POLR3B: variants seen among roughly 807,000 people sequenced by gnomAD.
POLR3B encodes the protein RNA polymerase III subunit B, also known as DNA-directed RNA polymerase III subunit RPC2.
In POLR3B, 96 loss-of-function variants were observed where a neutral mutation model predicts 147.4. The observed-to-expected ratio is 0.65, with a 90% CI of 0.55 to 0.77. The LOEUF is 0.77. Ranked by LOEUF, POLR3B falls within the 30% of genes least tolerant of loss-of-function variation. The probability of loss-of-function intolerance (pLI) is 0.00; values close to 1 mark genes in which losing one functional copy is unlikely to be tolerated. For synonymous variants in POLR3B, 461 were observed against 485.9 expected, an observed-to-expected ratio of 0.95 and a Z score of 0.67; for missense variants, 1,036 against 1,413.5, an observed-to-expected ratio of 0.73 and a Z score of 4.28.
At chr12:106,374,374 C>G (rs1193725145) in intron 6 of POLR3B, among the ~76,000 whole-genome samples, 1 of 152,072 alleles carries the variant, frequency 6.6e-6, no homozygotes, top group African/African-American at 2.4e-5. Flanking sequence ...CACCACCACA[C>G]CTGGCTAATT....
chr12:106,456,718 C>T (rs747462936), intron 20 of POLR3B, among the ~76,000 whole-genome samples: 89 of 152,084 alleles, frequency 5.9e-4, no homozygotes, highest in Admixed American at 1.4e-3. Context: ...ATGACCTTGG[C>T]CACTTAATTT....
intron 10 of POLR3B, among the ~76,000 whole-genome samples, chr12:106,395,524 T>C (rs1480211814): frequency 6.6e-6 from 1 of 152,152 alleles, no homozygotes; most frequent in Admixed American, 6.5e-5. Context: ...TCCATCCCCA[T>C]GATCCAGCCA....
intron 10 of POLR3B, among the ~76,000 whole-genome samples, chr12:106,396,890 G>T (rs948097622): frequency 1.3e-5 from 2 of 152,102 alleles, no homozygotes; most frequent in Non-Finnish European, 2.9e-5. Context: ...CCAAGAGTTG[G>T]AGACCAGCCT....
chr12:106,401,766 T>C (rs886534760), intron 10 of POLR3B, among the ~76,000 whole-genome samples: 30 of 152,202 alleles, frequency 2.0e-4, no homozygotes, highest in African/African-American at 6.8e-4. Context: ...TCAACAACCT[T>C]CATGCTAAAA....
intron 23 of POLR3B, among the ~76,000 whole-genome samples, chr12:106,487,259 T>TC (rs2038353219): frequency 2.0e-5 from 3 of 152,018 alleles, no homozygotes; most frequent in African/African-American, 7.2e-5. Context: ...CCTGCAGAGG[T>TC]TTGTTTGTTT....
At chr12:106,508,489 C>T (rs1215079062) in intron 27 of POLR3B, among the ~76,000 whole-genome samples, 1 of 152,172 alleles carries the variant, frequency 6.6e-6, no homozygotes, top group African/African-American at 2.4e-5. Flanking sequence ...TGTTAAGAGT[C>T]AGGATTTGTA....
intron 20 of POLR3B, among the ~76,000 whole-genome samples, chr12:106,455,987 G>C (rs1190592093): frequency 6.6e-6 from 1 of 152,068 alleles, no homozygotes; most frequent in Non-Finnish European, 1.5e-5. Context: ...TTCTGTTTTT[G>C]GTGGAAAATT....
chr12:106,445,519 G>A (rs1193489231), intron 19 of POLR3B, among the ~76,000 whole-genome samples: 1 of 152,044 alleles, frequency 6.6e-6, no homozygotes, highest in Non-Finnish European at 1.5e-5. Context: ...GGCGTGAAGG[G>A]GAGGTGCCAT....
chr12:106,424,590 A>T (rs887794189), intron 12 of POLR3B, among the ~76,000 whole-genome samples: 1 of 152,104 alleles, frequency 6.6e-6, no homozygotes, highest in Non-Finnish European at 1.5e-5. Flanking sequence ...CATAATTTCC[A>T]TGGGAAAGGT....
At chr12:106,389,990 G>A (rs939583259) in intron 9 of POLR3B, among the ~76,000 whole-genome samples, 7 of 152,168 alleles carry the variant, frequency 4.6e-5, no homozygotes, top group African/African-American at 1.7e-4. Flanking sequence ...AGACTGAGGT[G>A]GGTGGATCAC....
At chr12:106,432,507 T>A in intron 15 of POLR3B, 27 bp downstream of exon 15, 52 of 1,574,150 alleles carry the variant, frequency 3.3e-5, no homozygotes, top group Non-Finnish European at 4.5e-5. Context: ...GACATGTTGG[T>A]CCTAGATAGT....
chr12:106,464,147 G>C (rs977188437), intron 23 of POLR3B, among the ~76,000 whole-genome samples: 6 of 152,078 alleles, frequency 3.9e-5, no homozygotes, highest in Non-Finnish European at 7.4e-5. Flanking sequence ...CTGACCCCAG[G>C]GCGGTGCTTT....
At chr12:106,464,010 T>G (rs2037973480) in intron 23 of POLR3B, among the ~76,000 whole-genome samples, 1 of 152,072 alleles carries the variant, frequency 6.6e-6, no homozygotes, top group Non-Finnish European at 1.5e-5. Flanking sequence ...ATGTTAGCAC[T>G]AGAAGACACC....
intron 12 of POLR3B, among the ~76,000 whole-genome samples, chr12:106,418,746 T>C (rs1268769854): frequency 6.6e-6 from 1 of 152,224 alleles, no homozygotes. Flanking sequence ...CTTTTAGTCA[T>C]TTTACTTTTG....
At chr12:106,461,797 G>A (rs1020898825) in intron 22 of POLR3B, among the ~76,000 whole-genome samples, 5 of 152,028 alleles carry the variant, frequency 3.3e-5, no homozygotes, top group Admixed American at 2.0e-4. Flanking sequence ...CTCACTCTTA[G>A]CCTCCCATCC....
intron 23 of POLR3B, among the ~76,000 whole-genome samples, chr12:106,470,587 T>C (rs1385601009): frequency 6.6e-6 from 1 of 152,174 alleles, no homozygotes; most frequent in African/African-American, 2.4e-5. Context: ...CATCTTTTTG[T>C]GGTTTTATCT....
chr12:106,497,126 A>T (rs973261016), intron 25 of POLR3B, among the ~76,000 whole-genome samples: 4 of 110,622 alleles, frequency 3.6e-5, no homozygotes, highest in African/African-American at 1.1e-4. Flanking sequence ...TTCATGATTT[A>T]AAAAAAAAAA....
intron 2 of POLR3B, among the ~76,000 whole-genome samples, chr12:106,365,925 G>A (rs1298956408): frequency 6.6e-6 from 1 of 151,766 alleles, no homozygotes; most frequent in Non-Finnish European, 1.5e-5. Context: ...GCCCGGGCCA[G>A]AATCATCAAT....
intron 10 of POLR3B, among the ~76,000 whole-genome samples, chr12:106,402,530 T>G (rs897044950): frequency 6.6e-6 from 1 of 152,186 alleles, no homozygotes; most frequent in Non-Finnish European, 1.5e-5. Flanking sequence ...AGAACAAAGC[T>G]GGAGGCATCA....
Sources: gnomAD v4.1 joint callset for allele counts (sites outside exome capture counted in the v4.1 genomes callset) on GRCh38, gnomAD v4.1.1 for gene constraint, MANE v1.5 for transcripts, NCBI Gene and HGNC (gene_info 2026-07-23, HGNC 2026-07-21) for gene names.